GALC: variants seen among roughly 807,000 people sequenced by gnomAD.
The protein encoded by GALC is galactocerebrosidase.
GALC carries 77 observed loss-of-function variants against 91.8 expected under a neutral mutation model. The ratio of observed to expected loss-of-function variants is 0.84; its 90% confidence interval spans 0.70 to 1.01. The LOEUF (loss-of-function observed/expected upper bound fraction) is 1.01. GALC is among the 50% of genes least tolerant of loss of function. GALC has a pLI of 0.00. For synonymous variants in GALC, 357 were observed against 306.7 expected (o/e 1.16, Z -1.71); for missense variants, 882 against 855.9 (o/e 1.03, Z -0.38).
chr14:87,993,145 G>C lies in GALC; in HGVS notation c.20C>G (p.Ser7Trp). Residue 7 changes from serine to tryptophan, a missense_variant, in exon 1 of 17, where the codon TCG becomes TGG. Coordinates refer to ENST00000261304, the MANE Select transcript of GALC (RefSeq NM_000153.4). ...TTTCGCTCGGCGTTGCCAGGAAGCC[G>C]AGAGTAGCCACTCAGCCATTGTGTG... Reference protein sequence around the residue: MAEWLLSASWQRRAKAM... With the variant: MAEWLLWASWQRRAKAM... 2 of 1,584,022 alleles carry C rather than the reference G, an allele frequency of 1.3e-6. No homozygotes were observed. Among genetic ancestry groups the C allele is most frequent in the East Asian group, 4.6e-5 (2 of 43,332 alleles).
intron 16 of GALC, among the ~76,000 whole-genome samples, chr14:87,937,796 A>G (rs940696866): frequency 6.6e-6 from 1 of 151,932 alleles, no homozygotes; most frequent in Non-Finnish European, 1.5e-5. Context: ...AAAACTCATA[A>G]AATTACTAAA....
intron 10 of GALC, chr14:87,953,078 T>C: frequency 6.7e-7 from 1 of 1,500,578 alleles, no homozygotes; most frequent in South Asian, 1.1e-5. Context: ...AAAGAGAGTG[T>C]GTGCCAACAG....
intron 9 of GALC, among the ~76,000 whole-genome samples, chr14:87,964,642 T>C (rs756317886): frequency 1.6e-4 from 24 of 152,254 alleles, no homozygotes; most frequent in African/African-American, 3.1e-4. Flanking sequence ...AGTAAAACTT[T>C]TGTGTTTCAA....
intron 16 of GALC, among the ~76,000 whole-genome samples, chr14:87,936,589 G>A (rs1345789412): frequency 3.3e-5 from 5 of 151,854 alleles, no homozygotes; most frequent in Non-Finnish European, 5.9e-5. Context: ...TATGCTCTAA[G>A]AGAGCAGGAA....
At chr14:87,992,590 G>C in intron 1 of GALC, 1 of 1,463,534 alleles carries the variant, frequency 6.8e-7, no homozygotes, top group Non-Finnish European at 9.0e-7. Flanking sequence ...GCACTCCCTG[G>C]CCCTTTCTGG....
At chr14:87,965,684 T>C in intron 8 of GALC, 55 bp from the exon 9 acceptor site, 2 of 1,592,650 alleles carry the variant, frequency 1.3e-6, no homozygotes, top group African/African-American at 2.7e-5. Context: ...AAAATGTAAA[T>C]GTCTAAAAAC....
At chr14:87,988,235 T>C (rs1887053906) in intron 2 of GALC, 28 bp from the exon 3 acceptor site, 3 of 1,589,498 alleles carry the variant, frequency 1.9e-6, no homozygotes, top group Non-Finnish European at 8.6e-7. Context: ...AGTATTAACA[T>C]AGTGTTGTAT....
Position 87,948,563 on chromosome 14 carries a change from T to C in GALC, c.1339-685A>G, listed in dbSNP as rs540548148. On this transcript the variant is annotated intron_variant, in intron 12 of 16. Transcript: ENST00000261304. ...TATCAAAGTTGTTCTATGCTAAATG[T>C]AGATCTCTGAAGACACTGGAATCCT... Among the ~76,000 whole-genome samples, 39 of 152,184 alleles carry C rather than the reference T, an allele frequency of 2.6e-4. 1 individual carries two copies. The highest frequency in any genetic ancestry group is 3.7e-4 in the Non-Finnish European group (25 of 67,984).
chr14:87,968,799 G>A (rs1050038781), intron 7 of GALC, among the ~76,000 whole-genome samples: 1 of 152,184 alleles, frequency 6.6e-6, no homozygotes, highest in African/African-American at 2.4e-5. Flanking sequence ...ATGGATGGAA[G>A]CATGTTGAAG....
chr14:87,948,639 T>C (rs1885173675), intron 12 of GALC, among the ~76,000 whole-genome samples: 1 of 151,866 alleles, frequency 6.6e-6, no homozygotes, highest in Admixed American at 6.6e-5. Flanking sequence ...GGAGTTATTA[T>C]CCTTGTTTTA....
intron 1 of GALC, chr14:87,989,562 A>C (rs1887111873): frequency 6.6e-6 from 1 of 152,228 alleles, no homozygotes; most frequent in Admixed American, 6.5e-5. Context: ...CGAAACCATA[A>C]ACTTGGGCCA....
At chr14:87,942,116 G>T (rs1199126272) in intron 14 of GALC, among the ~76,000 whole-genome samples, 1 of 151,886 alleles carries the variant, frequency 6.6e-6, no homozygotes, top group Non-Finnish European at 1.5e-5. Context: ...CTCTAGGAGG[G>T]CTTCTCACAC....
chr14:87,938,514 C>T (rs1366911762), intron 16 of GALC, among the ~76,000 whole-genome samples: 1 of 151,924 alleles, frequency 6.6e-6, no homozygotes, highest in Non-Finnish European at 1.5e-5. Flanking sequence ...CAAGCATGTG[C>T]ACATGTGCTG....
chr14:87,970,787 T>A (rs1401736147), intron 7 of GALC, among the ~76,000 whole-genome samples: 3 of 144,162 alleles, frequency 2.1e-5, no homozygotes, highest in Non-Finnish European at 4.5e-5. Context: ...GAGAATGGCA[T>A]GAACCTGGGA....
chr14:87,938,926 C>T (rs1294635513), intron 16 of GALC, among the ~76,000 whole-genome samples: 1 of 151,818 alleles, frequency 6.6e-6, no homozygotes, highest in African/African-American at 2.4e-5. Context: ...ATTAAATTCA[C>T]ACAAATTTGC....
chr14:87,941,457 C>A lies in GALC; in HGVS notation c.1772G>T (p.Ser591Ile), dbSNP rs894465095. The change falls in exon 15 of 17, where the codon AGT becomes ATT. Residue 591 changes from serine (S) to isoleucine (I), a missense_variant. Transcript: ENST00000261304. ...RVNKGGILIR[S>I]ARGIFFWIFA... ...AATCCAGAAGAAAATTCCTCTGGCA[C>A]TTCTAATCAAAATACCACCTTTATT... is the stretch of plus-strand genomic sequence containing the variant. 1 of 1,609,382 alleles carries A rather than the reference C, an allele frequency of 6.2e-7. No homozygotes were observed. Among genetic ancestry groups the A allele is most frequent in the African/African-American group, 1.3e-5 (1 of 74,832 alleles).
At position 87,979,012 on chromosome 14, in the gene GALC, G is replaced by T. The variant is rs1290914529; in HGVS notation, c.622-2524C>A. Among the ~76,000 whole-genome samples, 9 of 151,892 alleles carry T rather than the reference G, an allele frequency of 5.9e-5. No individual in the cohort carries two copies. In the East Asian group the frequency reaches 1.6e-3, roughly 26 times the overall value. On this transcript the variant is annotated intron_variant, in intron 6 of 16. Coordinates refer to ENST00000261304, the MANE Select transcript of GALC (RefSeq NM_000153.4). ...CTGAGCACCTACATTCGTCATTATT[G>T]AACTCTTTGTGATAGGCATTTCTTT...
Position 87,976,605 on chromosome 14 carries a change from TTTTG to T in GALC, c.622-121_622-118del, listed in dbSNP as rs146880216. 91,042 of 827,628 alleles carry T rather than the reference TTTTG, an allele frequency of 0.11. 6,683 individuals are homozygous for T. The highest frequency in any genetic ancestry group is 0.13 in the Admixed American group (6,251 of 47,210). The allele number at this position is 827,628 out of a possible 1,614,324, so 51.3% of individuals were successfully genotyped here. On this transcript the variant is annotated intron_variant, in intron 6 of 16. Transcript: ENST00000261304. Reference sequence around the variant, plus strand: ...AATCAGCGTTCTGGATAATAGCTTCTTTTGTTTGTTTGTTTGTTTGTTTTTCTCA... The same window carrying T: ...AATCAGCGTTCTGGATAATAGCTTCTTTTGTTTGTTTGTTTGTTTTTCTCA...
intron 3 of GALC, 81 bp from the exon 4 acceptor site, chr14:87,986,683 CAGACA>C: frequency 1.3e-6 from 1 of 783,854 alleles, no homozygotes; most frequent in Non-Finnish European, 2.3e-6. Context: ...ACCCCCACCC[CAGACA>C]CACACTTCAC....
Sources: gnomAD v4.1 joint callset for allele counts (sites outside exome capture counted in the v4.1 genomes callset) on GRCh38, gnomAD v4.1.1 for gene constraint, MANE v1.5 for transcripts, NCBI Gene and HGNC (gene_info 2026-07-23, HGNC 2026-07-21) for gene names.